The following TMEM170A variants were observed in gnomAD, a reference collection of about 807,000 sequenced individuals.
The protein encoded by TMEM170A is transmembrane protein 170A, also known as transmembrane protein 170.
A neutral mutation model predicts 12.8 loss-of-function variants in TMEM170A; 18 were observed. The observed-to-expected ratio is 1.41, with a 90% CI of 0.97 to 2.09. The LOEUF (loss-of-function observed/expected upper bound fraction) is 2.09. Among genes scored for constraint, TMEM170A ranks in the 30% most tolerant of loss-of-function variants. TMEM170A has a pLI of 0.00. For synonymous variants in TMEM170A, 107 were observed against 76.2 expected (o/e 1.40, Z -2.11); for missense variants, 220 against 179.9 (o/e 1.22, Z -1.28).
At position 75,453,419 on chromosome 16, in the gene TMEM170A, G is replaced by C. The variant is rs144083451; in HGVS notation, c.134-1580C>G. Among the ~76,000 whole-genome samples the C allele has an allele frequency of 5.2e-3, 796 of 152,272 alleles. 3 individuals are homozygous for C. Among genetic ancestry groups the C allele is most frequent in the Non-Finnish European group, 8.9e-3 (607 of 68,018 alleles). ...ACTGCACTCCTGCCTGGGCAACAGG[G>C]TGAGACGGTCTCAAAAAACTCCCCC... On this transcript the variant is annotated intron_variant, in intron 1 of 2. Coordinates refer to ENST00000561878, the MANE Select transcript of TMEM170A (RefSeq NM_145254.3).
In TMEM170A at chr16:75,456,057, G is replaced by C. The variant is rs116081961; in HGVS notation, c.134-4218C>G. On this transcript the variant is annotated intron_variant, in intron 1 of 2. Transcript: ENST00000561878. ...CCCTTTACACAGGCTTCTTAATCTT[G>C]TTGAGAAGCTGGATTTAAGGGGCTA... Among the ~76,000 whole-genome samples, 613 of 152,260 alleles carry C rather than the reference G, an allele frequency of 4.0e-3. 4 individuals are homozygous for C. Among genetic ancestry groups the C allele is most frequent in the African/African-American group, 0.013 (549 of 41,546 alleles).
At chr16:75,463,085 A>G (rs1567706487) in intron 1 of TMEM170A, among the ~76,000 whole-genome samples, 1 of 152,196 alleles carries the variant, frequency 6.6e-6, no homozygotes, top group Non-Finnish European at 1.5e-5. Flanking sequence ...AGAGAAAGAG[A>G]AACAGAAAGC....
intron 1 of TMEM170A, among the ~76,000 whole-genome samples, chr16:75,453,323 A>G (rs1597443305): frequency 6.6e-6 from 1 of 152,104 alleles, no homozygotes; most frequent in East Asian, 1.9e-4. Context: ...AGTCCTAGCT[A>G]CTCGAGAGGC....
intron 2 of TMEM170A, among the ~76,000 whole-genome samples, chr16:75,450,503 C>G (rs1478206033): frequency 6.6e-6 from 1 of 152,084 alleles, no homozygotes; most frequent in African/African-American, 2.4e-5. Flanking sequence ...ATTTCTGTAA[C>G]TGTTTCTTAT....
At chr16:75,464,306 G>T in intron 1 of TMEM170A, 162 bp downstream of exon 1, 1 of 1,473,030 alleles carries the variant, frequency 6.8e-7, no homozygotes, top group Middle Eastern at 1.8e-4. Flanking sequence ...AGAAGTGATG[G>T]GGAAAGGGGC....
rs1380046520 is a variant in TMEM170A, at chr16:75,447,407, T to C, written c.*151A>G. 4 of 817,954 alleles carry C rather than the reference T, an allele frequency of 4.9e-6. No individual in the cohort carries two copies. Among genetic ancestry groups the C allele is most frequent in the Admixed American group, 3.8e-5 (1 of 26,362 alleles). The allele number at this position is 817,954 out of a possible 1,614,324, so 50.7% of individuals were successfully genotyped here. ...GTCTTCAATTCTAGGAGCTTCAAAA[T>C]GAAGAAAAGGCTGAGATGTGTTGTC... On this transcript the variant is annotated 3_prime_UTR_variant, in exon 3 of 3. Transcript: ENST00000561878.
At chr16:75,461,216 G>A (rs999981874) in intron 1 of TMEM170A, among the ~76,000 whole-genome samples, 2 of 148,864 alleles carry the variant, frequency 1.3e-5, no homozygotes, top group Non-Finnish European at 2.9e-5. Flanking sequence ...ACCACGCCCC[G>A]CAAATTTTTG....
At chr16:75,459,580 G>A (rs951050117) in intron 1 of TMEM170A, among the ~76,000 whole-genome samples, 2 of 152,128 alleles carry the variant, frequency 1.3e-5, no homozygotes, top group Non-Finnish European at 2.9e-5. Context: ...GTCTTGGCAG[G>A]GCGTGGTGGC....
chr16:75,453,821 T>C (rs963812549), intron 1 of TMEM170A, among the ~76,000 whole-genome samples: 1 of 152,192 alleles, frequency 6.6e-6, no homozygotes, highest in East Asian at 1.9e-4. Flanking sequence ...ATACATATAA[T>C]CATCAACTAT....
At chr16:75,452,321 T>G (rs2079704111) in intron 1 of TMEM170A, among the ~76,000 whole-genome samples, 1 of 151,956 alleles carries the variant, frequency 6.6e-6, no homozygotes, top group South Asian at 2.1e-4. Context: ...CAGGCTGCAG[T>G]GCAATGGCAC....
chr16:75,451,375 G>A (rs569603938), intron 2 of TMEM170A: 8 of 507,632 alleles, frequency 1.6e-5, no homozygotes, highest in Non-Finnish European at 2.8e-5. Flanking sequence ...ACGAAACCCT[G>A]TCTCTACAAA....
At chr16:75,456,483 A>G (rs531695418) in intron 1 of TMEM170A, among the ~76,000 whole-genome samples, 1 of 152,232 alleles carries the variant, frequency 6.6e-6, no homozygotes, top group South Asian at 2.1e-4. Flanking sequence ...GCGACTCAGG[A>G]GTCTTCCTCC....
chr16:75,453,443 C>T (rs527466956), intron 1 of TMEM170A, among the ~76,000 whole-genome samples: 7 of 152,142 alleles, frequency 4.6e-5, no homozygotes, highest in African/African-American at 1.4e-4. Flanking sequence ...AAAAACTCCC[C>T]CAAAAACCAA....
intron 1 of TMEM170A, chr16:75,458,319 C>A (rs2079835892): frequency 6.6e-6 from 1 of 152,208 alleles, no homozygotes; most frequent in African/African-American, 2.4e-5. Flanking sequence ...AAGGTGTTCG[C>A]ATCTCCATCT....
intron 1 of TMEM170A, among the ~76,000 whole-genome samples, chr16:75,456,066 C>G (rs569228081): frequency 6.6e-6 from 1 of 152,270 alleles, no homozygotes; most frequent in African/African-American, 2.4e-5. Flanking sequence ...TGTTGAGAAG[C>G]TGGATTTAAG....
chr16:75,451,292 G>A (rs907482381), intron 2 of TMEM170A: 3 of 308,454 alleles, frequency 9.7e-6, no homozygotes, highest in Non-Finnish European at 1.8e-5. Context: ...GCTCACGCCT[G>A]TAATCCCAGC....
intron 1 of TMEM170A, chr16:75,464,189 C>T (rs1000009800): frequency 1.3e-6 from 2 of 1,499,598 alleles, no homozygotes; most frequent in Non-Finnish European, 1.8e-6. Flanking sequence ...AAGGCCAAGA[C>T]CCGCTCGGGT....
chr16:75,444,444 A>G lies in TMEM170A; in HGVS notation c.*3114T>C, dbSNP rs990085694. On this transcript the variant is annotated 3_prime_UTR_variant, in exon 3 of 3. Transcript: ENST00000561878. ...GCACTCCAGCCTGGGCGACAGAGCA[A>G]GACTCCGTCTCAAAACAAAAAAACC... 1 of 152,230 alleles carries G rather than the reference A, an allele frequency of 6.6e-6. No individual in the cohort carries two copies. Among genetic ancestry groups the G allele is most frequent in the Non-Finnish European group, 1.5e-5 (1 of 68,066 alleles). The allele number at this position is 152,230 out of a possible 1,614,324, so 9.4% of individuals were successfully genotyped here. A position where few individuals can be genotyped will look rare whatever the true frequency, so the allele number is the denominator to read the frequency against.
chr16:75,464,538 G>C lies in TMEM170A; in HGVS notation c.63C>G (p.Ser21Arg). 6.3e-7 allele frequency: 1 copy of C among 1,589,234 alleles called. No homozygotes were observed. Among genetic ancestry groups the C allele is most frequent in the African/African-American group, 1.4e-5 (1 of 72,122 alleles). Reference protein sequence around the residue: ...GSAGLLQQILSLKVVPRVGNG... With the variant: ...GSAGLLQQILRLKVVPRVGNG... ...TGCCCACCCGCGGCACAACCTTCAG[G>C]CTCAGGATCTGCTGCAGGAGCCCGG... The change falls in exon 1 of 3, where the codon AGC (serine) becomes AGG (arginine). Residue 21 changes from serine (S) to arginine (R), a missense_variant. Ser to Arg is a moderately radical substitution (Grantham distance 110). Transcript: ENST00000561878.
Sources: gnomAD v4.1 joint callset for allele counts (sites outside exome capture counted in the v4.1 genomes callset) on GRCh38, gnomAD v4.1.1 for gene constraint, MANE v1.5 for transcripts, NCBI Gene and HGNC (gene_info 2026-07-23, HGNC 2026-07-21) for gene names.